ROBO4: variants seen among roughly 807,000 people sequenced by gnomAD.
ROBO4 encodes roundabout homolog 4.
A neutral mutation model predicts 103.3 loss-of-function variants in ROBO4; 80 were observed. The ratio of observed to expected loss-of-function variants is 0.77; its 90% CI spans 0.65 to 0.93. The LOEUF (loss-of-function observed/expected upper bound fraction) is 0.93. Among genes scored for constraint, ROBO4 ranks in the 40% least tolerant of loss-of-function variants. The pLI is 0.00. For synonymous variants in ROBO4, 504 were observed against 529.7 expected, an observed-to-expected ratio of 0.95 and a Z score of 0.67; for missense variants, 1,333 against 1,305.3, an observed-to-expected ratio of 1.02 and a Z score of -0.33.
chr11:124,893,884 G>GGC lies in ROBO4; in HGVS notation c.1478_1479dup (p.Arg494AlafsTer21). 1 of 1,612,774 alleles carries GGC rather than the reference G, an allele frequency of 6.2e-7. No individual in the cohort carries two copies. The highest frequency in any genetic ancestry group is 8.5e-7 in the Non-Finnish European group (1 of 1,179,780). On this transcript the variant is annotated frameshift_variant, in exon 9 of 18. Transcript: ENST00000306534. LOFTEE classifies it high-confidence loss of function. ...CCTGGGCCCAGGTGCACCCTAGCTCGGCGCCGGCGGTGGATACACACGGCG... is the reference window on the plus strand; with the variant it reads ...CCTGGGCCCAGGTGCACCCTAGCTCGGCGCGCCGGCGGTGGATACACACGGCG...
In ROBO4 at chr11:124,886,756, TG is replaced by T; in HGVS notation, c.2501del (p.Pro834GlnfsTer40). 2.5e-6 allele frequency: 4 copies of T among 1,575,422 alleles called. No individual in the cohort carries two copies. The highest frequency in any genetic ancestry group is 3.5e-6 in the Non-Finnish European group (4 of 1,157,728). ...CCATGTCCGTGAACTCTGAGGCTGT[TG>T]GGACGCTGATGTACCCATAGGTGGT... ...PPTTYGYISV[P>X]TASEFTDMGR... is the part of the protein sequence containing the mutation. On this transcript the variant is annotated frameshift_variant, in exon 16 of 18. Coordinates refer to ENST00000306534, the MANE Select transcript of ROBO4 (RefSeq NM_019055.6). LOFTEE classifies it high-confidence loss of function.
rs1946674510 is a variant in ROBO4, at chr11:124,884,140, T to C, written c.*751A>G. 1 of 152,204 alleles carries C rather than the reference T, an allele frequency of 6.6e-6. No homozygotes were observed. The highest frequency in any genetic ancestry group is 2.1e-4 in the South Asian group (1 of 4,836). The allele number at this position is 152,204 out of a possible 1,614,324, so 9.4% of individuals were successfully genotyped here. On this transcript the variant is annotated 3_prime_UTR_variant, in exon 18 of 18. Coordinates refer to ENST00000306534, the MANE Select transcript of ROBO4 (RefSeq NM_019055.6). The stretch of plus-strand genomic sequence containing the variant: ...TGAGTGTCAATGAATGCCTGATCCC[T>C]GCCTAACTCAGGAAATTCTTGCCAT...
Position 124,891,731 on chromosome 11 carries a change from C to T in ROBO4, c.1619G>A (p.Ser540Asn). The change falls in exon 11 of 18, where the codon AGC becomes AAC. Residue 540 changes from serine (S) to asparagine (N), a missense_variant. Physicochemically the swap from Ser to Asn is conservative, Grantham distance 46. Coordinates refer to ENST00000306534, the MANE Select transcript of ROBO4 (RefSeq NM_019055.6). Reference sequence around the variant, plus strand: ...CAGCCGACTGCTGAGGCTGCTGCTGCTGCTCAGGTCCCGAGAGCCAGAGGT... The same window carrying T: ...CAGCCGACTGCTGAGGCTGCTGCTGTTGCTCAGGTCCCGAGAGCCAGAGGT... ...RSTSGSRDLS[S>N]SSSLSSRLGA... is the part of the protein sequence containing the mutation. 6.2e-7 allele frequency: 1 copy of T among 1,614,200 alleles called. No individual in the cohort carries two copies. Among genetic ancestry groups the T allele is most frequent in the Non-Finnish European group, 8.5e-7 (1 of 1,180,042 alleles).
intron 12 of ROBO4, among the ~76,000 whole-genome samples, chr11:124,889,514 C>G (rs1415129069): frequency 6.6e-6 from 1 of 152,102 alleles, no homozygotes; most frequent in East Asian, 1.9e-4. Flanking sequence ...AAAATGTTAT[C>G]AAGGTGAAAG....
At chr11:124,887,633 A>C (rs1946737483) in intron 13 of ROBO4, 100 bp downstream of exon 13, 2 of 1,526,234 alleles carry the variant, frequency 1.3e-6, no homozygotes, top group Non-Finnish European at 1.8e-6. Context: ...CTCCTCAGGG[A>C]AAGGAGGATG....
intron 12 of ROBO4, 23 bp downstream of exon 12, chr11:124,891,276 A>G (rs774570580): frequency 6.6e-7 from 1 of 1,512,746 alleles, no homozygotes; most frequent in Non-Finnish European, 8.8e-7. Flanking sequence ...AGCTCAGTCT[A>G]TGTCTATTCT....
Position 124,884,837 on chromosome 11 carries a change from G to A in ROBO4, c.*54C>T. 2 of 1,604,986 alleles carry A rather than the reference G, an allele frequency of 1.2e-6. No homozygotes were observed. Among genetic ancestry groups the A allele is most frequent in the Non-Finnish European group, 1.7e-6 (2 of 1,171,678 alleles). ...CACACACCACAGCCCAGGTCTTGTGGGTGGACAGGAGAAGTGGTTCTGATT... is the reference window on the plus strand; with the variant it reads ...CACACACCACAGCCCAGGTCTTGTGAGTGGACAGGAGAAGTGGTTCTGATT... On this transcript the variant is annotated 3_prime_UTR_variant, in exon 18 of 18. Transcript: ENST00000306534.
In ROBO4 at chr11:124,887,802, T is replaced by C; in HGVS notation, c.1987A>G (p.Ser663Gly). The change falls in exon 13 of 18, where the codon AGC (serine) becomes GGC (glycine). Residue 663 changes from serine (S) to glycine (G), a missense_variant. By Grantham distance (56) the Ser-to-Gly change is moderately conservative (BLOSUM62 0). Coordinates refer to ENST00000306534, the MANE Select transcript of ROBO4 (RefSeq NM_019055.6). ...CAGGCCCGGAGCTCCAAGGAGTGGC[T>C]GCCCCGGAGCAGTGGGGAACTGTTG... The part of the protein sequence containing the change: ...HANSSPLLRG[S>G]HSLELRACEL... 6.2e-7 allele frequency: 1 copy of C among 1,614,044 alleles called. No homozygotes were observed. The highest frequency in any genetic ancestry group is 8.5e-7 in the Non-Finnish European group (1 of 1,179,976).
chr11:124,896,882 T>C, intron 2 of ROBO4, 50 bp downstream of exon 2: 2 of 1,580,004 alleles, frequency 1.3e-6, no homozygotes, highest in Non-Finnish European at 1.7e-6. Context: ...TCAGCTCAGA[T>C]GTCTCCACCC....
At chr11:124,891,875 C>A in intron 10 of ROBO4, 73 bp from the exon 11 acceptor site, 1 of 1,548,684 alleles carries the variant, frequency 6.5e-7, no homozygotes, top group Non-Finnish European at 8.8e-7. Flanking sequence ...CCAAGACTTC[C>A]TGTTCAGAGG....
intron 10 of ROBO4, 198 bp from the exon 11 acceptor site, chr11:124,892,000 C>T (rs1394060366): frequency 1.4e-6 from 1 of 732,820 alleles, no homozygotes; most frequent in East Asian, 2.7e-5. Context: ...CTTTCTTATT[C>T]CTGGATGAGG....
chr11:124,896,265 GGT>G lies in ROBO4; in HGVS notation c.610_611del (p.Thr204LeufsTer12), dbSNP rs753255164. ...CGCTGTTGGTGGCCACACACATGTA[GGT>G]CCCTTCGTCACTCTTCTCTGCTCTT... ...MARAEKSDEG[T>X]YMCVATNSAG... On this transcript the variant is annotated frameshift_variant, in exon 4 of 18. Transcript: ENST00000306534. LOFTEE classifies it high-confidence loss of function. 3 of 1,614,134 alleles carry G rather than the reference GGT, an allele frequency of 1.9e-6. No homozygotes were observed. The highest frequency in any genetic ancestry group is 2.5e-6 in the Non-Finnish European group (3 of 1,180,022).
rs548953425 is a variant in ROBO4, at chr11:124,884,600, C to T, written c.*291G>A. ...GGGAAGAGCAGCAGGCAGGGCTGCT[C>T]CTCAGGCCAAAACAACCTGGTGGTG... On this transcript the variant is annotated 3_prime_UTR_variant, in exon 18 of 18. Transcript: ENST00000306534. 7 of 523,096 alleles carry T rather than the reference C, an allele frequency of 1.3e-5. No individual in the cohort carries two copies. In the Admixed American group the frequency reaches 1.7e-4, roughly 12 times the overall value. The allele number at this position is 523,096 out of a possible 1,614,324, so 32.4% of individuals were successfully genotyped here. A position where few individuals can be genotyped will look rare whatever the true frequency, so the allele number is the denominator to read the frequency against.
At chr11:124,894,463 C>T (rs1946850374) in intron 7 of ROBO4, 94 bp from the exon 8 acceptor site, 2 of 1,303,026 alleles carry the variant, frequency 1.5e-6, no homozygotes, top group Middle Eastern at 1.9e-4. Context: ...TGTGGTTATT[C>T]TGCCCTGCCA....
chr11:124,895,534 T>C lies in ROBO4; in HGVS notation c.959A>G (p.Glu320Gly). 2 of 1,612,338 alleles carry C rather than the reference T, an allele frequency of 1.2e-6. No individual in the cohort carries two copies. Among genetic ancestry groups the C allele is most frequent in the African/African-American group, 2.7e-5 (2 of 75,054 alleles). The change falls in exon 6 of 18, where the codon GAG (glutamate) becomes GGG (glycine). Residue 320 changes from glutamate to glycine, a missense_variant. Glu to Gly is a moderately conservative substitution (Grantham distance 98). Transcript: ENST00000306534. ...GCCAGAGGATGGTCTCACTTTGAAC[T>C]CGTAGTCTTGGCCCCAGTGGAGGCC... ...LGGLHWGQDY[E>G]FKVRPSSGRA...
rs1282971055 is a variant in ROBO4, at chr11:124,886,385, T to C, written c.2794+79A>G. 3 of 1,129,972 alleles carry C rather than the reference T, an allele frequency of 2.7e-6. No homozygotes were observed. In the African/African-American group the frequency reaches 4.7e-5, roughly 18 times the overall value. The allele number at this position is 1,129,972 out of a possible 1,614,324, so 70.0% of individuals were successfully genotyped here. On this transcript the variant is annotated intron_variant, in intron 16 of 17. Transcript: ENST00000306534. ...TAATCATTCAATAAAACTAGTTGTT[T>C]TAACAATGATGACATGATAACAGTT...
chr11:124,895,194 C>G lies in ROBO4; in HGVS notation c.1037-1G>C. Reference sequence around the variant, plus strand: ...ACTTCCTGAGGTGGGGCACTGGGCACTGGAGGGGTGGAAGAGAGACTATGA... The same window carrying G: ...ACTTCCTGAGGTGGGGCACTGGGCAGTGGAGGGGTGGAAGAGAGACTATGA... On this transcript the variant is annotated splice_acceptor_variant, in intron 6 of 17. Transcript: ENST00000306534. LOFTEE classifies it high-confidence loss of function. 1 of 1,611,466 alleles carries G rather than the reference C, an allele frequency of 6.2e-7. No individual in the cohort carries two copies. Among genetic ancestry groups the G allele is most frequent in the Non-Finnish European group, 8.5e-7 (1 of 1,177,752 alleles).
chr11:124,893,578 G>C (rs754845977), intron 10 of ROBO4, 110 bp downstream of exon 10: 5 of 957,398 alleles, frequency 5.2e-6, no homozygotes, highest in Non-Finnish European at 8.6e-6. Context: ...ATTCATGTAC[G>C]ACAGTCCCAA....
In ROBO4 at chr11:124,895,837, G is replaced by A. The variant is rs141984492; in HGVS notation, c.755C>T (p.Pro252Leu). ...AGGCTTGGGGCCCTCTGCAGGATCC[G>A]GGTTCAGCAGTGTCACATTTTCCAG... ...IQLENVTLLN[P>L]DPAEGPKPRP... Residue 252 changes from proline (P) to leucine (L), a missense_variant, in exon 5 of 18, where the codon CCG becomes CTG. Pro to Leu is a moderately conservative substitution (Grantham distance 98). Transcript: ENST00000306534. 115 of 1,614,114 alleles carry A rather than the reference G, an allele frequency of 7.1e-5. No individual in the cohort carries two copies. The African/African-American group carries it at 8.1e-4, about 11-fold the overall frequency.
Sources: allele counts gnomAD v4.1 joint callset (sites outside exome capture counted in the v4.1 genomes callset), GRCh38; gene constraint gnomAD v4.1.1; transcripts MANE v1.5; gene names NCBI Gene and HGNC (gene_info 2026-07-23, HGNC 2026-07-21).